Variants in UST observed in about 807,000 individuals in gnomAD.
UST encodes uronyl 2-sulfotransferase.
In UST, 21 loss-of-function variants were observed where a neutral mutation model predicts 45.6. That is an observed-to-expected ratio of 0.46 (90% CI 0.33 to 0.66). The LOEUF is 0.66. UST is among the 30% of genes least tolerant of loss of function. UST has a pLI of 0.02. For synonymous variants in UST, 215 were observed against 200.6 expected (o/e 1.07, Z -0.61); for missense variants, 463 against 512.4 (o/e 0.90, Z 0.93).
At chr6:149,001,360 C>T (rs574104863) in intron 5 of UST, among the ~76,000 whole-genome samples, 26 of 152,284 alleles carry the variant, frequency 1.7e-4, no homozygotes, top group East Asian at 7.7e-4. Flanking sequence ...CATAAGCCAC[C>T]GCGCCTGGCC....
At chr6:149,035,147 A>G (rs1776222905) in intron 7 of UST, among the ~76,000 whole-genome samples, 1 of 151,998 alleles carries the variant, frequency 6.6e-6, no homozygotes, top group South Asian at 2.1e-4. Context: ...CTCAATTGCC[A>G]TCTTTTGAAC....
chr6:148,980,895 A>AT (rs1459604664), intron 5 of UST, among the ~76,000 whole-genome samples: 38 of 149,424 alleles, frequency 2.5e-4, no homozygotes, highest in Admixed American at 6.7e-4. Flanking sequence ...AATTTTTGTA[A>AT]TTTTTTTTTT....
In UST at chr6:149,075,884, C is replaced by T. The variant is rs938701351; in HGVS notation, c.*1768C>T. 6.6e-6 allele frequency: 1 copy of T among 152,626 alleles called. No individual in the cohort carries two copies. The highest frequency in any genetic ancestry group is 6.5e-5 in the Admixed American group (1 of 15,288). The allele number at this position is 152,626 out of a possible 1,614,324, so 9.5% of individuals were successfully genotyped here. ...TTATACTTTTCATAAACCACAAAGT[C>T]TCTCTAGAATTTTTTCTGCCTTCAC... On this transcript the variant is annotated 3_prime_UTR_variant, in exon 8 of 8. Coordinates refer to ENST00000367463, the MANE Select transcript of UST (RefSeq NM_005715.3).
chr6:149,017,579 A>C (rs1775921937), intron 5 of UST, among the ~76,000 whole-genome samples: 1 of 151,756 alleles, frequency 6.6e-6, no homozygotes, highest in African/African-American at 2.4e-5. Context: ...CTACATGTTT[A>C]TATTGTCCTG....
At chr6:148,945,984 C>A (rs998413522) in intron 3 of UST, among the ~76,000 whole-genome samples, 1 of 152,124 alleles carries the variant, frequency 6.6e-6, no homozygotes, top group Non-Finnish European at 1.5e-5. Flanking sequence ...GATCCTATGC[C>A]CATGTGCCCT....
At position 148,748,945 on chromosome 6, in the gene UST, C is replaced by T. The variant is rs1582785550; in HGVS notation, c.247+1268C>T. ...AAAAGGAAAAAAAAAAAACCCAAAA[C>T]AAACAAACAAAACAAAGCAAAACAA... On this transcript the variant is annotated intron_variant, in intron 1 of 7. Transcript: ENST00000367463. The surrounding 1 kb of genome is among the most constrained non-coding windows in gnomAD (Gnocchi z 5.3). Among the ~76,000 whole-genome samples, 1 of 149,468 alleles carries T rather than the reference C, an allele frequency of 6.7e-6. No individual in the cohort carries two copies.
intron 1 of UST, among the ~76,000 whole-genome samples, chr6:148,869,861 C>A (rs373594318): frequency 1.3e-5 from 2 of 152,194 alleles, no homozygotes; most frequent in South Asian, 2.1e-4. Context: ...AAGACACAGT[C>A]ATGACCAGTC....
intron 5 of UST, among the ~76,000 whole-genome samples, chr6:148,979,614 G>T (rs1448766048): frequency 1.3e-5 from 2 of 152,198 alleles, no homozygotes; most frequent in African/African-American, 4.8e-5. Flanking sequence ...TACAAATGTG[G>T]AAGCAAATAT....
intron 1 of UST, among the ~76,000 whole-genome samples, chr6:148,868,136 G>A (rs1416130941): frequency 6.6e-6 from 1 of 151,918 alleles, no homozygotes; most frequent in Non-Finnish European, 1.5e-5. Flanking sequence ...TCTGTCTTCT[G>A]ATGAGCTTCT....
intron 5 of UST, among the ~76,000 whole-genome samples, chr6:148,965,120 G>A (rs1235911639): frequency 6.6e-6 from 1 of 152,162 alleles, no homozygotes; most frequent in Non-Finnish European, 1.5e-5. Flanking sequence ...ATAGAACCCT[G>A]TCATTGCACC....
At chr6:148,953,678 A>T (rs564573028) in intron 3 of UST, among the ~76,000 whole-genome samples, 194 bp from the exon 4 acceptor site, 217 of 151,362 alleles carry the variant, frequency 1.4e-3, no homozygotes, top group African/African-American at 5.1e-3. Flanking sequence ...AGGCTGAGGC[A>T]GGAGAATGGC....
chr6:148,766,870 A>C (rs1776335110), intron 1 of UST, among the ~76,000 whole-genome samples: 1 of 152,248 alleles, frequency 6.6e-6, no homozygotes, highest in African/African-American at 2.4e-5. Context: ...TTTGTGCAGT[A>C]AATCCTCTTA....
intron 1 of UST, among the ~76,000 whole-genome samples, chr6:148,878,589 CG>C (rs1227591026): frequency 6.6e-5 from 3 of 45,220 alleles, no homozygotes. Flanking sequence ...TGTATGAGTG[CG>C]GGGGTCGTGT....
At chr6:148,749,719 A>G (rs1293550679) in intron 1 of UST, among the ~76,000 whole-genome samples, 2 of 152,214 alleles carry the variant, frequency 1.3e-5, no homozygotes, top group Non-Finnish European at 2.9e-5. Flanking sequence ...TTTCCAAACA[A>G]TGAGGCCTAA....
intron 2 of UST, among the ~76,000 whole-genome samples, chr6:148,895,635 C>T (rs1186976524): frequency 6.6e-6 from 1 of 152,204 alleles, no homozygotes; most frequent in Non-Finnish European, 1.5e-5. Flanking sequence ...TTCCTCCATA[C>T]TGTTCTTGTG....
chr6:148,866,247 A>G (rs1265679356), intron 1 of UST, among the ~76,000 whole-genome samples: 3 of 148,030 alleles, frequency 2.0e-5, no homozygotes, highest in Admixed American at 6.8e-5. Context: ...CCCAAACCTT[A>G]TTTCTCTCGT....
In UST at chr6:149,010,913, A is replaced by AAAAAAAAAAAAAAAAC. The variant is rs755674810; in HGVS notation, c.682-8220_682-8219insAAAAAAAAACAAAAAA. Among the ~76,000 whole-genome samples, 180 of 92,970 alleles carry AAAAAAAAAAAAAAAAC rather than the reference A, an allele frequency of 1.9e-3. 23 individuals carry two copies. The highest frequency in any genetic ancestry group is 5.4e-3 in the African/African-American group (125 of 22,936). 61.0% of individuals were successfully genotyped at this position (92,970 alleles called of 152,430 possible). ...TCTCAACCAAAAAAAAAAAAAAAAA[A>AAAAAAAAAAAAAAAAC]AAAAAACTGTGACTATTTATTTGTC... is the stretch of plus-strand genomic sequence containing the variant. On this transcript the variant is annotated intron_variant, in intron 5 of 7. Coordinates refer to ENST00000367463, the MANE Select transcript of UST (RefSeq NM_005715.3).
intron 1 of UST, among the ~76,000 whole-genome samples, chr6:148,804,173 A>C (rs1371906397): frequency 6.6e-6 from 1 of 152,206 alleles, no homozygotes; most frequent in Non-Finnish European, 1.5e-5. Context: ...GCTTGTATGA[A>C]TCTCTGAGTC....
At chr6:149,049,823 T>C (rs1776453733) in intron 7 of UST, among the ~76,000 whole-genome samples, 1 of 152,056 alleles carries the variant, frequency 6.6e-6, no homozygotes, top group Non-Finnish European at 1.5e-5. Flanking sequence ...CTCTAAGATA[T>C]CTAACCTCTT....
Sources: gnomAD v4.1 joint callset for allele counts (sites outside exome capture counted in the v4.1 genomes callset) on GRCh38, gnomAD v4.1.1 for gene constraint, Gnocchi (gnomAD v3.1) non-coding constraint, MANE v1.5 for transcripts, NCBI Gene and HGNC (gene_info 2026-07-23, HGNC 2026-07-21) for gene names.